CDYL: variants seen among roughly 807,000 people sequenced by gnomAD.
CDYL encodes chromodomain Y-like protein.
CDYL carries 8 observed loss-of-function variants against 47.3 expected under a neutral mutation model. The observed-to-expected ratio is 0.17, with a 90% CI of 0.10 to 0.31. The LOEUF (loss-of-function observed/expected upper bound fraction) is 0.31. Among genes scored for constraint, CDYL ranks in the 10% least tolerant of loss-of-function variants. CDYL has a pLI of 1.00. For missense variants in CDYL, 471 were observed against 701.4 expected, an observed-to-expected ratio of 0.67 and a Z score of 3.71; for synonymous variants, 266 against 265.0, an observed-to-expected ratio of 1.00 and a Z score of -0.04.
At chr6:4,707,459 A>G (rs1757067826) in intron 1 of CDYL, among the ~76,000 whole-genome samples, 1 of 152,146 alleles carries the variant, frequency 6.6e-6, no homozygotes, top group East Asian at 1.9e-4. Flanking sequence ...TTTTTAATAG[A>G]GACTGGGTTT....
chr6:4,724,722 G>T (rs542296446), intron 2 of CDYL: 1 of 152,214 alleles, frequency 6.6e-6, no homozygotes. Context: ...CTCTCGTTGG[G>T]TTCGTGGTCT....
At chr6:4,873,893 T>A (rs1191086907) in intron 1 of CDYL, among the ~76,000 whole-genome samples, 1 of 152,180 alleles carries the variant, frequency 6.6e-6, no homozygotes, top group African/African-American at 2.4e-5. Flanking sequence ...TGCCACTGCT[T>A]GCTCATTCTG....
intron 1 of CDYL, among the ~76,000 whole-genome samples, chr6:4,812,000 G>T (rs1393721165): frequency 2.0e-5 from 3 of 152,154 alleles, no homozygotes; most frequent in African/African-American, 7.2e-5. Flanking sequence ...ACTGGCAGCA[G>T]CATCAAGCTT....
chr6:4,724,835 A>C (rs950240930), intron 2 of CDYL: 1 of 152,174 alleles, frequency 6.6e-6, no homozygotes, highest in South Asian at 2.1e-4. Flanking sequence ...TATTGCAAAG[A>C]GCAAAAAAAT....
chr6:4,822,873 A>T (rs1346597709), intron 1 of CDYL, among the ~76,000 whole-genome samples: 1 of 152,118 alleles, frequency 6.6e-6, no homozygotes, highest in Non-Finnish European at 1.5e-5. Context: ...CTCACAAGGG[A>T]ATTTCTCTCT....
intron 1 of CDYL, among the ~76,000 whole-genome samples, chr6:4,809,905 G>A (rs1444819892): frequency 1.4e-5 from 2 of 142,782 alleles, no homozygotes; most frequent in Non-Finnish European, 3.0e-5. Context: ...TTAGTCCTTG[G>A]CGATACTTTG....
chr6:4,821,981 A>T (rs1277759324), intron 1 of CDYL, among the ~76,000 whole-genome samples: 1 of 151,612 alleles, frequency 6.6e-6, no homozygotes, highest in Non-Finnish European at 1.5e-5. Context: ...TTATTTATTT[A>T]TTTTTTTGAG....
chr6:4,935,593 G>A lies in CDYL; in HGVS notation c.770G>A (p.Ser257Asn), dbSNP rs755831522. Residue 257 changes from serine to asparagine, a missense_variant, in exon 3 of 7, where the codon AGC (serine) becomes AAC (asparagine). Physicochemically the swap from Ser to Asn is conservative, Grantham distance 46. Around this residue, in one of 3 missense-constraint regions of CDYL, gnomAD observed 311 missense variants for 350.0 expected, o/e 0.89. Coordinates refer to ENST00000397588, the MANE Select transcript of CDYL (RefSeq NM_004824.4). ...ACATCTGTTACAGGAGTGACTGCCAGCAAAAGGAAATTTATTGACGACAGA... is the reference window on the plus strand; with the variant it reads ...ACATCTGTTACAGGAGTGACTGCCAACAAAAGGAAATTTATTGACGACAGA... ...IQTSVTGVTA[S>N]KRKFIDDRRD... 1.9e-6 allele frequency: 3 copies of A among 1,614,176 alleles called. No individual in the cohort carries two copies. In the East Asian group the frequency reaches 6.7e-5, roughly 36 times the overall value.
At chr6:4,714,394 A>C (rs1401913230) in intron 1 of CDYL, 3 of 152,108 alleles carry the variant, frequency 2.0e-5, no homozygotes, top group Admixed American at 2.0e-4. Context: ...TCTCATCCAA[A>C]CAAGAATGAT....
intron 2 of CDYL, among the ~76,000 whole-genome samples, chr6:4,918,847 T>C (rs746880798): frequency 1.3e-5 from 2 of 152,232 alleles, no homozygotes; most frequent in Non-Finnish European, 2.9e-5. Context: ...CTAAAGACTT[T>C]GCTGCTTTTC....
At chr6:4,854,157 T>C (rs772603754) in intron 1 of CDYL, among the ~76,000 whole-genome samples, 5 of 152,194 alleles carry the variant, frequency 3.3e-5, no homozygotes, top group Non-Finnish European at 5.9e-5. Context: ...TGCTAGTTCT[T>C]TCAGTCAGCA....
intron 2 of CDYL, among the ~76,000 whole-genome samples, chr6:4,916,673 C>T (rs1269602932): frequency 1.3e-5 from 2 of 152,188 alleles, no homozygotes; most frequent in Non-Finnish European, 2.9e-5. Context: ...TGACCATTCA[C>T]CTTTATCTGA....
At chr6:4,811,300 T>G (rs1759520701) in intron 1 of CDYL, among the ~76,000 whole-genome samples, 1 of 152,244 alleles carries the variant, frequency 6.6e-6, no homozygotes, top group South Asian at 2.1e-4. Flanking sequence ...TTATTTTTAA[T>G]AAGCTCTCTA....
intron 2 of CDYL, among the ~76,000 whole-genome samples, chr6:4,723,590 C>T (rs1026982688): frequency 6.6e-6 from 1 of 152,156 alleles, no homozygotes; most frequent in African/African-American, 2.4e-5. Flanking sequence ...CAGCAGGAGG[C>T]GGCAAGCCCT....
chr6:4,774,659 T>G (rs1025778381), upstream of CDYL: 3 of 152,250 alleles, frequency 2.0e-5, no homozygotes, highest in Non-Finnish European at 4.4e-5. Flanking sequence ...CCTTATTTCC[T>G]GTATAGAGAA....
At chr6:4,876,493 T>A (rs2127475665) in intron 1 of CDYL, among the ~76,000 whole-genome samples, 1 of 152,274 alleles carries the variant, frequency 6.6e-6, no homozygotes, top group South Asian at 2.1e-4. Context: ...CCTTTGATAT[T>A]TTTTTCATTT....
intron 1 of CDYL, among the ~76,000 whole-genome samples, chr6:4,709,511 T>C (rs1038568568): frequency 1.2e-4 from 18 of 152,140 alleles, no homozygotes; most frequent in African/African-American, 3.1e-4. Flanking sequence ...CAGTCATTTT[T>C]ATGGCTTCTC....
chr6:4,922,879 G>A lies in CDYL; in HGVS notation c.692-12636G>A, dbSNP rs151090496. Among the ~76,000 whole-genome samples the A allele has an allele frequency of 5.1e-3, 775 of 152,274 alleles. 4 individuals are homozygous for A. The highest frequency in any genetic ancestry group is 7.8e-3 in the Non-Finnish European group (528 of 68,016). On this transcript the variant is annotated intron_variant, in intron 2 of 6. Coordinates refer to ENST00000397588, the MANE Select transcript of CDYL (RefSeq NM_004824.4). ...CGGGGTGCGTCTGATCACACACCAC[G>A]GGGCCTGAGCTCCACCCAGAGTCCT... is the stretch of plus-strand genomic sequence containing the variant.
At chr6:4,791,995 G>C (rs981055907) in intron 1 of CDYL, among the ~76,000 whole-genome samples, 1 of 149,962 alleles carries the variant, frequency 6.7e-6, no homozygotes, top group Non-Finnish European at 1.5e-5. Context: ...CCATTCTCCT[G>C]CCTCAGCCTC....
Sources: gnomAD v4.1 joint callset for allele counts (sites outside exome capture counted in the v4.1 genomes callset) on GRCh38, gnomAD v4.1.1 for gene constraint, gnomAD v4.1.1 regional missense constraint, MANE v1.5 for transcripts, NCBI Gene and HGNC (gene_info 2026-07-23, HGNC 2026-07-21) for gene names.